GAPVD1: variants seen among roughly 807,000 people sequenced by gnomAD.
GAPVD1 encodes GTPase activating protein and VPS9 domains 1, also known as GTPase-activating protein and VPS9 domain-containing protein 1.
Under a neutral mutation model 155.5 loss-of-function variants are expected in GAPVD1, and 35 were observed. The observed-to-expected ratio is 0.23, with a 90% CI of 0.17 to 0.30. GAPVD1 has a LOEUF of 0.30. Ranked by LOEUF, GAPVD1 falls within the 10% of genes least tolerant of loss-of-function variation. GAPVD1 has a pLI of 1.00. For synonymous variants in GAPVD1, 636 were observed against 619.7 expected (o/e 1.03, Z -0.39); for missense variants, 1,429 against 1,775.7 (o/e 0.80, Z 3.51).
At chr9:125,295,393 G>C (rs959586828) in intron 2 of GAPVD1, 65 bp from the exon 3 acceptor site, 4 of 147,770 alleles carry the variant, frequency 2.7e-5, no homozygotes, top group Admixed American at 2.7e-4. Flanking sequence ...GAACAAATTG[G>C]TATACTTTTT....
intron 25 of GAPVD1, 68 bp downstream of exon 25, chr9:125,355,925 G>A (rs1048671583): frequency 1.3e-5 from 11 of 873,642 alleles, no homozygotes; most frequent in Non-Finnish European, 2.2e-5. Context: ...CCATATTTTA[G>A]GCAAGCTATA....
chr9:125,365,008 T>C lies in GAPVD1; in HGVS notation c.*2262T>C, dbSNP rs1480774053. ...GAAATAAATATGAAGATGTGGACATTGCATCGGGGCTCTTTTCTGTGGAAG... is the reference window on the plus strand; with the variant it reads ...GAAATAAATATGAAGATGTGGACATCGCATCGGGGCTCTTTTCTGTGGAAG... On this transcript the variant is annotated 3_prime_UTR_variant, in exon 28 of 28. Coordinates refer to ENST00000297933, the MANE Select transcript of GAPVD1 (RefSeq NM_001282680.3). 6.6e-6 allele frequency: 1 copy of C among 152,364 alleles called. No homozygotes were observed. The highest frequency in any genetic ancestry group is 2.4e-5 in the African/African-American group (1 of 41,436). 9.4% of individuals were successfully genotyped at this position (152,364 alleles called of 1,614,324 possible). A position where few individuals can be genotyped will look rare whatever the true frequency, so the allele number is the denominator to read the frequency against.
intron 2 of GAPVD1, among the ~76,000 whole-genome samples, chr9:125,271,631 A>G (rs1336542448): frequency 6.6e-6 from 1 of 152,148 alleles, no homozygotes; most frequent in East Asian, 1.9e-4. Flanking sequence ...GCTCACTGCA[A>G]CCTCTGCCTC....
intron 2 of GAPVD1, among the ~76,000 whole-genome samples, chr9:125,274,936 TG>T (rs1224863312): frequency 2.0e-5 from 3 of 152,160 alleles, no homozygotes. Context: ...CAGGTACTCT[TG>T]CTCCAGCGTT....
At position 125,302,461 on chromosome 9, in the gene GAPVD1, C is replaced by T; in HGVS notation, c.664C>T (p.Leu222=). 1 of 1,613,684 alleles carries T rather than the reference C, an allele frequency of 6.2e-7. No individual in the cohort carries two copies. Among genetic ancestry groups the T allele is most frequent in the Non-Finnish European group, 8.5e-7 (1 of 1,179,868 alleles). The change falls in exon 5 of 28, where the codon CTA becomes TTA. Residue 222 remains leucine (L), a synonymous_variant. Coordinates refer to ENST00000297933, the MANE Select transcript of GAPVD1 (RefSeq NM_001282680.3). ...TCACCTGGAAACAGATCCAAACAAG[C>T]TAATTGAGAGGTTCTCTCCATCTCA... ...EDHLETDPNK[L]IERFSPSQQE...
At position 125,299,072 on chromosome 9, in the gene GAPVD1, C is replaced by T; in HGVS notation, c.151C>T (p.Gln51Ter). Residue 51 changes from glutamine to a stop codon, truncating the protein, a stop_gained, in exon 4 of 28, where the codon CAG (glutamine) becomes TAG (stop). Coordinates refer to ENST00000297933, the MANE Select transcript of GAPVD1 (RefSeq NM_001282680.3). LOFTEE classifies it high-confidence loss of function. ...LYRTAWIAKQ[Q>*]RINLDRLIIT... Reference sequence around the variant, plus strand: ...TCGTACAGCATGGATTGCGAAGCAACAGAGAATCAATTTGGATCGGCTTAT... The same window carrying T: ...TCGTACAGCATGGATTGCGAAGCAATAGAGAATCAATTTGGATCGGCTTAT... 1 of 1,601,934 alleles carries T rather than the reference C, an allele frequency of 6.2e-7. No homozygotes were observed. Among genetic ancestry groups the T allele is most frequent in the Non-Finnish European group, 8.5e-7 (1 of 1,175,476 alleles).
At chr9:125,285,958 C>T (rs953722861) in intron 2 of GAPVD1, among the ~76,000 whole-genome samples, 12 of 151,758 alleles carry the variant, frequency 7.9e-5, no homozygotes, top group African/African-American at 2.7e-4. Flanking sequence ...CAGGCATGCG[C>T]GATCACACTC....
chr9:125,328,833 ACC>A (rs34007926), intron 12 of GAPVD1, among the ~76,000 whole-genome samples: 87,815 of 144,654 alleles, frequency 0.61, 27,349 homozygotes, highest in African/African-American at 0.84. Flanking sequence ...CAGGGGGCTG[ACC>A]CCCCCCCCAC....
At position 125,302,972 on chromosome 9, in the gene GAPVD1, T is replaced by C. The variant is rs1588789282; in HGVS notation, c.1029+146T>C. On this transcript the variant is annotated intron_variant, in intron 5 of 27. Transcript: ENST00000297933. ...CCAGTCCTAAGTATTTGCATCTTAT[T>C]AAATAAAAGCAGTAATACTGGGATT... 3 of 939,502 alleles carry C rather than the reference T, an allele frequency of 3.2e-6. No individual in the cohort carries two copies. The East Asian group carries it at 8.1e-5, about 25-fold the overall frequency. 58.2% of individuals were successfully genotyped at this position (939,502 alleles called of 1,614,324 possible).
rs377753350 is a variant in GAPVD1, at chr9:125,346,896, C to G, written c.3124C>G (p.Arg1042Gly). ...GGACAAATACAGGAATGCCATTAAA[C>G]GGACCAGCCCCAGTGATGGAGCAAT... ...ILDKYRNAIK[R>G]TSPSDGAMAN... Residue 1042 changes from arginine (R) to glycine (G), a missense_variant, in exon 20 of 28, where the codon CGG becomes GGG. This residue lies in a region of GAPVD1 where 699 missense variants were observed against 826.0 expected (regional missense o/e 0.85). Coordinates refer to ENST00000297933, the MANE Select transcript of GAPVD1 (RefSeq NM_001282680.3). 1 of 1,612,794 alleles carries G rather than the reference C, an allele frequency of 6.2e-7. No individual in the cohort carries two copies. Among genetic ancestry groups the G allele is most frequent in the South Asian group, 1.1e-5 (1 of 91,052 alleles).
At chr9:125,292,193 C>G (rs1185294386) in intron 2 of GAPVD1, among the ~76,000 whole-genome samples, 5 of 151,990 alleles carry the variant, frequency 3.3e-5, no homozygotes, top group Non-Finnish European at 7.4e-5. Context: ...GCCATGATAC[C>G]GCCACTGCAC....
chr9:125,329,157 T>C (rs2131729196), intron 12 of GAPVD1, among the ~76,000 whole-genome samples: 1 of 152,304 alleles, frequency 6.6e-6, no homozygotes, highest in Non-Finnish European at 1.5e-5. Flanking sequence ...GATTTCTTAA[T>C]TGGTTTTACA....
intron 24 of GAPVD1, 150 bp from the exon 25 acceptor site, chr9:125,355,494 G>A (rs1432753840): frequency 5.2e-6 from 3 of 577,764 alleles, no homozygotes; most frequent in African/African-American, 1.9e-5. Context: ...GCTACATATT[G>A]TCCTAAAATA....
intron 3 of GAPVD1, among the ~76,000 whole-genome samples, 160 bp from the exon 4 acceptor site, chr9:125,298,730 C>T (rs919478807): frequency 5.9e-5 from 9 of 151,974 alleles, no homozygotes; most frequent in African/African-American, 9.7e-5. Context: ...TCTTGTAATC[C>T]GCCCGCCTTG....
chr9:125,341,932 T>G, intron 18 of GAPVD1: 1 of 222,642 alleles, frequency 4.5e-6, no homozygotes, highest in Non-Finnish European at 8.8e-6. Context: ...AAGCTAGGAG[T>G]TTTGAATGTG....
intron 2 of GAPVD1, among the ~76,000 whole-genome samples, chr9:125,273,861 C>G (rs996664006): frequency 1.1e-4 from 16 of 152,036 alleles, no homozygotes; most frequent in Non-Finnish European, 1.0e-4. Context: ...TTCACTTCTT[C>G]CTCCACTTGG....
chr9:125,306,447 G>T (rs1445263798), intron 6 of GAPVD1, among the ~76,000 whole-genome samples: 1 of 152,038 alleles, frequency 6.6e-6, no homozygotes, highest in Non-Finnish European at 1.5e-5. Flanking sequence ...TTCAGAAATA[G>T]TAGCACAATG....
chr9:125,360,376 G>A, intron 26 of GAPVD1, 152 bp from the exon 27 acceptor site: 1 of 584,952 alleles, frequency 1.7e-6, no homozygotes. Flanking sequence ...ACAATCTTTA[G>A]TGAAGGGGAA....
At chr9:125,279,977 G>C (rs745924331) in intron 2 of GAPVD1, among the ~76,000 whole-genome samples, 4 of 151,418 alleles carry the variant, frequency 2.6e-5, no homozygotes, top group Admixed American at 2.6e-4. Context: ...GGCCAGGCTG[G>C]TCTTGAACTC....
Sources: allele counts gnomAD v4.1 joint callset (sites outside exome capture counted in the v4.1 genomes callset), GRCh38; gene constraint gnomAD v4.1.1; regional missense constraint gnomAD v4.1.1; transcripts MANE v1.5; gene names NCBI Gene and HGNC (gene_info 2026-07-23, HGNC 2026-07-21).